Variants in CACNA2D3 observed in about 807,000 individuals in gnomAD.
CACNA2D3 encodes calcium voltage-gated channel auxiliary subunit alpha2delta 3, also known as voltage-dependent calcium channel subunit alpha-2/delta-3.
A neutral mutation model predicts 160.6 loss-of-function variants in CACNA2D3; 60 were observed. The observed-to-expected ratio is 0.37, with a 90% confidence interval of 0.30 to 0.46. CACNA2D3 has a LOEUF of 0.46. Among genes scored for constraint, CACNA2D3 ranks in the 20% least tolerant of loss-of-function variants. The pLI is 1.00. For missense variants in CACNA2D3, 1,205 were observed against 1,365.0 expected (o/e 0.88, Z 1.85); for synonymous variants, 558 against 492.9 (o/e 1.13, Z -1.75).
intron 2 of CACNA2D3, among the ~76,000 whole-genome samples, chr3:54,240,581 G>C (rs764088540): frequency 1.4e-4 from 21 of 152,164 alleles, no homozygotes; most frequent in Non-Finnish European, 1.9e-4. Context: ...GTGAGGATGA[G>C]AGGAAGGAGG....
intron 11 of CACNA2D3, among the ~76,000 whole-genome samples, chr3:54,749,235 T>C (rs1701812799): frequency 6.6e-6 from 1 of 152,214 alleles, no homozygotes; most frequent in Non-Finnish European, 1.5e-5. Context: ...CACAACTTGC[T>C]TTTTACCTTT....
intron 5 of CACNA2D3, among the ~76,000 whole-genome samples, chr3:54,511,787 A>G (rs1701463293): frequency 6.6e-6 from 1 of 152,214 alleles, no homozygotes; most frequent in African/African-American, 2.4e-5. Flanking sequence ...TTACAGTAAT[A>G]GTAGGGAGCT....
intron 14 of CACNA2D3, among the ~76,000 whole-genome samples, chr3:54,827,531 A>G (rs1363424437): frequency 2.0e-5 from 3 of 152,200 alleles, no homozygotes; most frequent in Admixed American, 6.5e-5. Context: ...GTGTTCAACT[A>G]AGCTGTGTTT....
intron 2 of CACNA2D3, among the ~76,000 whole-genome samples, chr3:54,205,041 C>T (rs919603983): frequency 6.6e-6 from 1 of 151,722 alleles, no homozygotes; most frequent in African/African-American, 2.4e-5. Context: ...AAGAACATTC[C>T]CCATAAGTAG....
At chr3:54,806,773 T>C (rs76361914) in intron 13 of CACNA2D3, among the ~76,000 whole-genome samples, 148,119 of 151,766 alleles carry the variant, frequency 0.98, 72,289 homozygotes, top group East Asian at 1. Flanking sequence ...AGAACAAAGC[T>C]GGAGGCATCA....
chr3:54,557,005 A>G (rs1702251963), intron 5 of CACNA2D3, among the ~76,000 whole-genome samples: 1 of 152,092 alleles, frequency 6.6e-6, no homozygotes, highest in Non-Finnish European at 1.5e-5. Flanking sequence ...AAATACTTAG[A>G]TGAAAGCTCC....
intron 2 of CACNA2D3, among the ~76,000 whole-genome samples, chr3:54,259,397 C>T (rs1363100896): frequency 6.6e-6 from 1 of 152,074 alleles, no homozygotes; most frequent in East Asian, 1.9e-4. Flanking sequence ...GTTCTTAATT[C>T]TTTAGGTTTG....
intron 2 of CACNA2D3, among the ~76,000 whole-genome samples, chr3:54,172,180 A>G (rs1700586408): frequency 6.6e-6 from 1 of 151,986 alleles, no homozygotes; most frequent in African/African-American, 2.4e-5. Flanking sequence ...TCCACACCCA[A>G]CAATGCTGTT....
chr3:54,485,001 T>G (rs1469093066), intron 4 of CACNA2D3, among the ~76,000 whole-genome samples: 1 of 151,902 alleles, frequency 6.6e-6, no homozygotes, highest in African/African-American at 2.4e-5. Flanking sequence ...CACCTGCCAC[T>G]ACGCCTAGCT....
At chr3:54,585,443 A>G (rs140464947) in intron 9 of CACNA2D3, among the ~76,000 whole-genome samples, 2 of 152,218 alleles carry the variant, frequency 1.3e-5, no homozygotes, top group Admixed American at 1.3e-4. Flanking sequence ...AAAGAGGATG[A>G]ATAGGAAAAA....
In CACNA2D3 at chr3:55,044,939, G is replaced by T. The variant is rs531204839; in HGVS notation, c.2987+26622G>T. Among the ~76,000 whole-genome samples the T allele has an allele frequency of 2.0e-4, 30 of 152,188 alleles. No individual in the cohort carries two copies. The East Asian group carries it at 4.6e-3, about 24-fold the overall frequency. ...CTTGAACTGGTCTTGGATTCTTGGG[G>T]TAAACCATACTTGGTCATGATATAT... On this transcript the variant is annotated intron_variant, in intron 35 of 37. Coordinates refer to ENST00000474759, the MANE Select transcript of CACNA2D3 (RefSeq NM_018398.3).
At chr3:55,044,864 C>G (rs945666811) in intron 35 of CACNA2D3, among the ~76,000 whole-genome samples, 20 of 152,224 alleles carry the variant, frequency 1.3e-4, no homozygotes, top group African/African-American at 4.8e-4. Context: ...TTTTTCTCAT[C>G]ATTTGAGATA....
chr3:55,004,972 A>T (rs1302898564), intron 32 of CACNA2D3, 134 bp downstream of exon 32: 9 of 134,318 alleles, frequency 6.7e-5, no homozygotes, highest in African/African-American at 2.1e-4. Context: ...TTACTCACTT[A>T]AAAAAAAAAA....
In CACNA2D3 at chr3:54,925,530, G is replaced by T. The variant is rs369340637; in HGVS notation, c.2449+25662G>T. On this transcript the variant is annotated intron_variant, in intron 27 of 37. Coordinates refer to ENST00000474759, the MANE Select transcript of CACNA2D3 (RefSeq NM_018398.3). ...AGAAGGGTGAAAAAAAATATTTGGGGTGTATATGCCGTTTGTAGGCCACAA... is the reference window on the plus strand; with the variant it reads ...AGAAGGGTGAAAAAAAATATTTGGGTTGTATATGCCGTTTGTAGGCCACAA... 3.9e-5 allele frequency among the ~76,000 whole-genome samples: 6 copies of T among 152,284 alleles called. No individual in the cohort carries two copies. In the East Asian group the frequency reaches 1.2e-3, roughly 29 times the overall value.
chr3:54,254,782 A>G (rs1435763064), intron 2 of CACNA2D3, among the ~76,000 whole-genome samples: 1 of 152,206 alleles, frequency 6.6e-6, no homozygotes, highest in Non-Finnish European at 1.5e-5. Context: ...AAGATATGGG[A>G]AAATGCTGTG....
intron 2 of CACNA2D3, among the ~76,000 whole-genome samples, chr3:54,157,307 A>C (rs4440155): frequency 0.52 from 79,036 of 151,984 alleles, 21,064 homozygotes; most frequent in African/African-American, 0.64. Flanking sequence ...TCCATTACCA[A>C]TGGGGGTTAG....
At chr3:54,754,349 G>A (rs1396514754) in intron 12 of CACNA2D3, among the ~76,000 whole-genome samples, 2 of 151,846 alleles carry the variant, frequency 1.3e-5, no homozygotes, top group African/African-American at 2.4e-5. Flanking sequence ...AACCTATCTG[G>A]GTAGATCTGA....
At position 54,979,058 on chromosome 3, in the gene CACNA2D3, G is replaced by A. The variant is rs535314183; in HGVS notation, c.2557-5550G>A. The stretch of plus-strand genomic sequence containing the variant: ...CTTTGATGAAATTTTGTTCCATAGA[G>A]GGAATCTCAGATAAGACTTTTTTTT... On this transcript the variant is annotated intron_variant, in intron 29 of 37. Coordinates refer to ENST00000474759, the MANE Select transcript of CACNA2D3 (RefSeq NM_018398.3). 7.7e-4 allele frequency among the ~76,000 whole-genome samples: 118 copies of A among 152,302 alleles called. 1 individual carries two copies. In the South Asian group the frequency reaches 0.011, roughly 14 times the overall value.
At chr3:55,070,588 A>G (rs165440) in intron 35 of CACNA2D3, among the ~76,000 whole-genome samples, 125,246 of 152,048 alleles carry the variant, frequency 0.82, 51,708 homozygotes, top group East Asian at 0.94. Context: ...GCAGAGGGAC[A>G]TTAATACTCA....
Sources: gnomAD v4.1 joint callset for allele counts (sites outside exome capture counted in the v4.1 genomes callset) on GRCh38, gnomAD v4.1.1 for gene constraint, MANE v1.5 for transcripts, NCBI Gene and HGNC (gene_info 2026-07-23, HGNC 2026-07-21) for gene names.